Variants in NEU3 observed in about 807,000 individuals in gnomAD.
The protein encoded by NEU3 is neuraminidase 3, also known as sialidase-3.
Under a neutral mutation model 11.4 loss-of-function variants are expected in NEU3, and 10 were observed. The ratio of observed to expected loss-of-function variants is 0.88; its 90% confidence interval spans 0.54 to 1.49. The LOEUF is 1.49. Ranked by LOEUF, NEU3 falls within the 40% of genes most tolerant of loss-of-function variation. NEU3 has a pLI of 0.00. For missense variants in NEU3, 529 were observed against 581.8 expected (o/e 0.91, Z 0.93); for synonymous variants, 212 against 228.2 (o/e 0.93, Z 0.64).
upstream of NEU3, among the ~76,000 whole-genome samples, chr11:74,986,894 A>G (rs573031320): frequency 1.3e-5 from 2 of 152,198 alleles, no homozygotes; most frequent in African/African-American, 2.4e-5. Context: ...ATCTCCTGGT[A>G]TAGGGTCTTT....
chr11:74,981,481 G>T, the NEU3 span, among the ~76,000 whole-genome samples: 2 of 152,292 alleles, frequency 1.3e-5, no homozygotes, highest in East Asian at 3.9e-4. Flanking sequence ...AAAGTTTTGA[G>T]CACCCCTCCC....
chr11:74,990,106 G>A (rs1948714318), intron 1 of NEU3: 6 of 669,502 alleles, frequency 9.0e-6, no homozygotes, highest in South Asian at 4.8e-5. Context: ...AAATTGTGAG[G>A]ACATCAAAAT....
intron 2 of NEU3, among the ~76,000 whole-genome samples, chr11:75,000,785 A>ATTTATTTT: frequency 1.4e-5 from 2 of 146,102 alleles, no homozygotes; most frequent in South Asian, 4.4e-4. Flanking sequence ...TAATTTATTT[A>ATTTATTTT]TTTATTTATT....
chr11:75,001,384 A>G (rs991431503), intron 2 of NEU3, among the ~76,000 whole-genome samples: 1 of 150,542 alleles, frequency 6.6e-6, no homozygotes, highest in Non-Finnish European at 1.5e-5. Flanking sequence ...GGTTAAAGCA[A>G]TTCTCCTGCC....
chr11:74,997,690 C>CAA (rs35900546), intron 2 of NEU3, among the ~76,000 whole-genome samples: 6,585 of 97,502 alleles, frequency 0.068, 236 homozygotes, highest in South Asian at 0.093. Flanking sequence ...CTAAAAATAC[C>CAA]AAAAAAAAAA....
At chr11:74,995,539 T>A (rs935989684) in intron 2 of NEU3, among the ~76,000 whole-genome samples, 1 of 152,202 alleles carries the variant, frequency 6.6e-6, no homozygotes, top group Non-Finnish European at 1.5e-5. Context: ...AAAGTGACTA[T>A]CACAATAAAA....
At chr11:75,011,861 ACT>A (rs1235384533), downstream of NEU3, among the ~76,000 whole-genome samples, 1 of 151,678 alleles carries the variant, frequency 6.6e-6, no homozygotes, top group Non-Finnish European at 1.5e-5. Flanking sequence ...GTTTGCATGC[ACT>A]CTCTTGCCTC....
chr11:75,005,898 G>A lies in NEU3; in HGVS notation c.792G>A (p.Val264=). ...MVTVECEVAE[V]TGRAGHPVLY... is the part of the protein sequence containing the mutation. Reference sequence around the variant, plus strand: ...CAGTAGAATGTGAAGTGGCAGAGGTGACTGGGAGGGCTGGCCACCCTGTGC... The same window carrying A: ...CAGTAGAATGTGAAGTGGCAGAGGTAACTGGGAGGGCTGGCCACCCTGTGC... Residue 264 remains valine (V), a synonymous_variant, in exon 3 of 3, where the codon GTG becomes GTA. Coordinates refer to ENST00000294064, the MANE Select transcript of NEU3 (RefSeq NM_006656.6). The A allele has an allele frequency of 1.2e-6, 2 of 1,613,640 alleles. No homozygotes were observed. Among genetic ancestry groups the A allele is most frequent in the Non-Finnish European group, 1.7e-6 (2 of 1,179,854 alleles).
At chr11:74,982,266 C>G in the NEU3 span, among the ~76,000 whole-genome samples, 1 of 152,076 alleles carries the variant, frequency 6.6e-6, no homozygotes, top group Non-Finnish European at 1.5e-5. Context: ...CAAGGTAGTC[C>G]TAGATGAATG....
intron 2 of NEU3, among the ~76,000 whole-genome samples, chr11:74,995,557 C>T (rs1477082400): frequency 1.3e-5 from 2 of 152,180 alleles, no homozygotes; most frequent in Admixed American, 1.3e-4. Flanking sequence ...AAACAAGACA[C>T]ATAAATTTTT....
At chr11:74,998,712 T>G (rs1763954377) in intron 2 of NEU3, among the ~76,000 whole-genome samples, 1 of 152,236 alleles carries the variant, frequency 6.6e-6, no homozygotes, top group African/African-American at 2.4e-5. Flanking sequence ...GTCTTTGCTT[T>G]TGATAACATT....
downstream of NEU3, among the ~76,000 whole-genome samples, chr11:75,012,018 G>C (rs968714718): frequency 6.6e-6 from 1 of 152,022 alleles, no homozygotes; most frequent in African/African-American, 2.4e-5. Context: ...CCTTCTTGAG[G>C]GGTGGCTTTG....
chr11:74,992,816 T>G (rs918940908), intron 1 of NEU3, among the ~76,000 whole-genome samples: 3 of 152,012 alleles, frequency 2.0e-5, no homozygotes, highest in African/African-American at 7.2e-5. Context: ...AAAAATTAGC[T>G]GGGCGTGCTG....
At chr11:75,000,776 A>ATTTATTTATTT (rs1555118926) in intron 2 of NEU3, among the ~76,000 whole-genome samples, 1 of 134,494 alleles carries the variant, frequency 7.4e-6, no homozygotes, top group African/African-American at 2.8e-5. Flanking sequence ...ATACCCAGCT[A>ATTTATTTATTT]ATTTATTTAT....
chr11:75,011,016 A>G (rs965886567), downstream of NEU3: 1 of 152,204 alleles, frequency 6.6e-6, no homozygotes, highest in African/African-American at 2.4e-5. Context: ...GTTTTTCATA[A>G]GAACTTTTAC....
chr11:74,994,991 C>A, intron 2 of NEU3: 1 of 614,716 alleles, frequency 1.6e-6, no homozygotes, highest in Non-Finnish European at 2.9e-6. Flanking sequence ...GCCATTTGCT[C>A]AAGGTTATAC....
chr11:74,986,749 G>T (rs1948668276), upstream of NEU3, among the ~76,000 whole-genome samples: 1 of 152,260 alleles, frequency 6.6e-6, no homozygotes, highest in African/African-American at 2.4e-5. Flanking sequence ...CCCCTCTATT[G>T]TACTTTGCTT....
At chr11:74,993,674 A>G (rs538731706) in intron 1 of NEU3, among the ~76,000 whole-genome samples, 3 of 152,122 alleles carry the variant, frequency 2.0e-5, no homozygotes, top group Non-Finnish European at 4.4e-5. Context: ...GGTAACTTAT[A>G]AAGAAAAGAA....
At chr11:75,012,665 C>T (rs1014830857), downstream of NEU3, among the ~76,000 whole-genome samples, 1 of 152,204 alleles carries the variant, frequency 6.6e-6, no homozygotes, top group African/African-American at 2.4e-5. Context: ...TGAAGTTGCT[C>T]ATTTTGTTCC....
Sources: gnomAD v4.1 joint callset for allele counts (sites outside exome capture counted in the v4.1 genomes callset) on GRCh38, gnomAD v4.1.1 for gene constraint, MANE v1.5 for transcripts, NCBI Gene and HGNC (gene_info 2026-07-23, HGNC 2026-07-21) for gene names.